Variants in PRELID2 observed in about 807,000 individuals in gnomAD.
PRELID2 encodes the protein PRELI domain-containing protein 2.
Under a neutral mutation model 28.4 loss-of-function variants are expected in PRELID2, and 25 were observed. That is an observed-to-expected ratio of 0.88 (90% CI 0.64 to 1.23). The LOEUF (loss-of-function observed/expected upper bound fraction) is 1.23. Among genes scored for constraint, PRELID2 ranks in the 50% most tolerant of loss-of-function variants. The probability of loss-of-function intolerance (pLI) is 0.00; values close to 1 mark genes in which losing one functional copy is unlikely to be tolerated. For missense variants in PRELID2, 201 were observed against 214.4 expected, an observed-to-expected ratio of 0.94 and a Z score of 0.39; for synonymous variants, 76 against 71.6, an observed-to-expected ratio of 1.06 and a Z score of -0.31.
intron 1 of PRELID2, among the ~76,000 whole-genome samples, chr5:145,571,556 G>A (rs1003281576): frequency 3.9e-5 from 6 of 152,166 alleles, no homozygotes; most frequent in African/African-American, 1.2e-4. Context: ...AAATGGTCCT[G>A]AAAAGCTATC....
chr5:145,559,316 G>A (rs1337823623), intron 1 of PRELID2, among the ~76,000 whole-genome samples: 1 of 151,146 alleles, frequency 6.6e-6, no homozygotes, highest in Non-Finnish European at 1.5e-5. Context: ...AAAGAGAAAT[G>A]ATTTTATAAA....
At chr5:145,706,648 A>G (rs1285096702) in intron 1 of PRELID2, among the ~76,000 whole-genome samples, 3 of 152,228 alleles carry the variant, frequency 2.0e-5, no homozygotes, top group Non-Finnish European at 4.4e-5. Context: ...CACTCTGCCA[A>G]TAGCTGCAGT....
At chr5:145,764,762 A>T (rs1364821147) in intron 6 of PRELID2, among the ~76,000 whole-genome samples, 169 bp downstream of exon 6, 1 of 152,252 alleles carries the variant, frequency 6.6e-6, no homozygotes, top group African/African-American at 2.4e-5. Flanking sequence ...CAAAGAACCA[A>T]GTAAATAAAA....
At chr5:145,476,246 ATT>A (rs2126610994) in intron 1 of PRELID2, among the ~76,000 whole-genome samples, 1 of 152,354 alleles carries the variant, frequency 6.6e-6, no homozygotes, top group Non-Finnish European at 1.5e-5. Context: ...TCTAGTCACA[ATT>A]TTGGGAGACA....
intron 1 of PRELID2, among the ~76,000 whole-genome samples, chr5:145,528,726 CAGAGAGAG>C (rs1035893212): frequency 9.3e-5 from 5 of 53,664 alleles, no homozygotes; most frequent in Admixed American, 2.5e-4. Flanking sequence ...CACACACACA[CAGAGAGAG>C]AGAGAGAGAG....
At chr5:145,762,339 C>T (rs893756409) in intron 6 of PRELID2, among the ~76,000 whole-genome samples, 11 of 152,112 alleles carry the variant, frequency 7.2e-5, no homozygotes, top group African/African-American at 2.4e-4. Context: ...AAAAAACACA[C>T]CAGCCTGGGC....
intron 1 of PRELID2, among the ~76,000 whole-genome samples, chr5:145,581,135 C>T (rs1753104164): frequency 6.6e-6 from 1 of 151,828 alleles, no homozygotes; most frequent in African/African-American, 2.4e-5. Flanking sequence ...GTACAGAAGC[C>T]CCAATTCTCT....
chr5:145,603,225 T>C (rs1045111629), intron 1 of PRELID2, among the ~76,000 whole-genome samples: 3 of 149,870 alleles, frequency 2.0e-5, no homozygotes, highest in African/African-American at 7.4e-5. Flanking sequence ...TCATAACATA[T>C]TCAAGATAAA....
chr5:145,379,522 A>G, the PRELID2 span, among the ~76,000 whole-genome samples: 1 of 152,264 alleles, frequency 6.6e-6, no homozygotes, highest in Admixed American at 6.5e-5. Context: ...GTGGTCACTC[A>G]GGGTGAGGTA....
At chr5:145,349,016 T>C in the PRELID2 span, among the ~76,000 whole-genome samples, 9 of 152,252 alleles carry the variant, frequency 5.9e-5, no homozygotes, top group East Asian at 1.7e-3. Flanking sequence ...GTTGTAAATC[T>C]GGGTGCACAT....
the PRELID2 span, among the ~76,000 whole-genome samples, chr5:145,425,840 A>G: frequency 3.3e-5 from 5 of 152,106 alleles, no homozygotes; most frequent in Non-Finnish European, 5.9e-5. Context: ...GCCTGAACTT[A>G]AAAGTTGAAG....
Position 145,809,036 on chromosome 5 carries a change from C to CTTTTTTTT in PRELID2, c.368+8850_368+8857dup, listed in dbSNP as rs372516210. The stretch of plus-strand genomic sequence containing the variant: ...TTCACTAGGCTGAGCTTTTTTTTTG[C>CTTTTTTTT]TTTTTTTTTTTTTTTTTTTTGAGAC... On this transcript the variant is annotated intron_variant, in intron 4 of 6. Coordinates refer to ENST00000683046, the MANE Select transcript of PRELID2 (RefSeq NM_205846.3). Among the ~76,000 whole-genome samples, 13 of 105,830 alleles carry CTTTTTTTT rather than the reference C, an allele frequency of 1.2e-4. 1 individual carries two copies. The highest frequency in any genetic ancestry group is 1.8e-4 in the African/African-American group (5 of 28,084). 69.4% of individuals were successfully genotyped at this position (105,830 alleles called of 152,430 possible).
chr5:145,697,080 T>TATATATATATATATATACAC (rs1554084239), intron 1 of PRELID2, among the ~76,000 whole-genome samples: 1 of 85,946 alleles, frequency 1.2e-5, no homozygotes, highest in African/African-American at 5.1e-5. Context: ...TATATATATA[T>TATATATATATATATATACAC]ACACACACAC....
intron 1 of PRELID2, among the ~76,000 whole-genome samples, chr5:145,547,658 A>G (rs954037053): frequency 8.5e-5 from 13 of 152,200 alleles, no homozygotes; most frequent in African/African-American, 3.1e-4. Context: ...GTTGCAACAG[A>G]AGAAAATGAA....
chr5:145,743,747 AT>A (rs1033797461), intron 1 of PRELID2, among the ~76,000 whole-genome samples: 5 of 152,198 alleles, frequency 3.3e-5, no homozygotes, highest in African/African-American at 1.2e-4. Flanking sequence ...CCCTGGAGCC[AT>A]GCAGATTCTC....
At chr5:145,398,811 A>C in the PRELID2 span, among the ~76,000 whole-genome samples, 2 of 152,100 alleles carry the variant, frequency 1.3e-5, no homozygotes, top group Non-Finnish European at 2.9e-5. Flanking sequence ...TAGGGAGAAG[A>C]ATGCGTGAGA....
At chr5:145,334,436 G>A in the PRELID2 span, among the ~76,000 whole-genome samples, 2 of 151,930 alleles carry the variant, frequency 1.3e-5, no homozygotes, top group African/African-American at 4.8e-5. Context: ...TATTATTGTT[G>A]CTATAGTCTT....
the PRELID2 span, among the ~76,000 whole-genome samples, chr5:145,269,861 T>C: frequency 6.9e-6 from 1 of 145,934 alleles, no homozygotes; most frequent in Admixed American, 6.8e-5. Context: ...CAATTTTATA[T>C]ATATACATAT....
intron 1 of PRELID2, among the ~76,000 whole-genome samples, chr5:145,554,942 G>A (rs954305362): frequency 3.3e-5 from 5 of 152,254 alleles, no homozygotes; most frequent in East Asian, 3.9e-4. Context: ...GAAGTTGTCC[G>A]TATATATATT....
Sources: gnomAD v4.1 joint callset for allele counts (sites outside exome capture counted in the v4.1 genomes callset) on GRCh38, gnomAD v4.1.1 for gene constraint, MANE v1.5 for transcripts, NCBI Gene and HGNC (gene_info 2026-07-23, HGNC 2026-07-21) for gene names.